Variants in MEOX2 observed in about 807,000 individuals in gnomAD.
MEOX2 encodes the protein mesenchyme homeobox 2, also known as homeobox protein MOX-2.
In MEOX2, 11 loss-of-function variants were observed where a neutral mutation model predicts 27.0. That is an observed-to-expected ratio of 0.41 (90% CI 0.26 to 0.68). The LOEUF is 0.68. Ranked by LOEUF, MEOX2 falls within the 30% of genes least tolerant of loss-of-function variation. The pLI is 0.33. For missense variants in MEOX2, 436 were observed against 385.4 expected, an observed-to-expected ratio of 1.13 and a Z score of -1.10; for synonymous variants, 189 against 155.4, an observed-to-expected ratio of 1.22 and a Z score of -1.61.
intron 1 of MEOX2, among the ~76,000 whole-genome samples, chr7:15,639,166 C>T (rs764461436): frequency 5.9e-5 from 9 of 152,024 alleles, no homozygotes; most frequent in Admixed American, 5.9e-4. Context: ...TAATAATAGC[C>T]ATTCTGACTG....
intron 1 of MEOX2, among the ~76,000 whole-genome samples, chr7:15,656,470 C>T (rs552654337): frequency 2.0e-5 from 3 of 150,128 alleles, no homozygotes; most frequent in South Asian, 4.2e-4. Context: ...CTTGGTTAAA[C>T]ATTTGTTTAG....
At chr7:15,641,850 A>T (rs544035654) in intron 1 of MEOX2, among the ~76,000 whole-genome samples, 1 of 152,120 alleles carries the variant, frequency 6.6e-6, no homozygotes, top group African/African-American at 2.4e-5. Context: ...TGAAAAAAAT[A>T]TTTTATTTCT....
intron 1 of MEOX2, chr7:15,675,908 T>A (rs1448434257): frequency 6.6e-6 from 1 of 152,202 alleles, no homozygotes; most frequent in Non-Finnish European, 1.5e-5. Context: ...TCTGTTCCTT[T>A]AAACTTCTCT....
intron 1 of MEOX2, among the ~76,000 whole-genome samples, chr7:15,675,513 C>G (rs1782178680): frequency 6.6e-6 from 1 of 152,132 alleles, no homozygotes; most frequent in African/African-American, 2.4e-5. Context: ...CGAGATTTTC[C>G]TTTTAAGGGC....
intron 2 of MEOX2, among the ~76,000 whole-genome samples, chr7:15,622,861 G>A (rs1781242216): frequency 6.6e-6 from 1 of 152,096 alleles, no homozygotes; most frequent in Non-Finnish European, 1.5e-5. Flanking sequence ...AACAGATCTA[G>A]CATTACTCAG....
intron 1 of MEOX2, among the ~76,000 whole-genome samples, chr7:15,662,647 T>A (rs549971638): frequency 3.4e-4 from 52 of 152,192 alleles, no homozygotes; most frequent in Non-Finnish European, 7.3e-4. Flanking sequence ...CATAGTGTTA[T>A]AAGCCAAATT....
intron 2 of MEOX2, among the ~76,000 whole-genome samples, chr7:15,621,919 C>G (rs865852638): frequency 5.9e-5 from 9 of 152,248 alleles, no homozygotes; most frequent in Admixed American, 1.3e-4. Flanking sequence ...GAGTTCAAGA[C>G]CAGCCTGGCC....
chr7:15,682,533 C>T lies in MEOX2; in HGVS notation c.517+3353G>A, dbSNP rs114069070. The stretch of plus-strand genomic sequence containing the variant: ...CCTAGTAAAGTCTACCTCCCCAAAT[C>T]GCTCTTTTCTTTTTTGATGTAATTT... On this transcript the variant is annotated intron_variant, in intron 1 of 2. Coordinates refer to ENST00000262041, the MANE Select transcript of MEOX2 (RefSeq NM_005924.5). Among the ~76,000 whole-genome samples, 386 of 151,956 alleles carry T rather than the reference C, an allele frequency of 2.5e-3. 3 individuals carry two copies. Among genetic ancestry groups the T allele is most frequent in the African/African-American group, 8.5e-3 (353 of 41,540 alleles).
intron 1 of MEOX2, among the ~76,000 whole-genome samples, chr7:15,673,771 C>T (rs1782148732): frequency 6.6e-6 from 1 of 152,170 alleles, no homozygotes; most frequent in Admixed American, 6.5e-5. Context: ...TAAGGCATAA[C>T]ATGTCACTGG....
chr7:15,634,480 C>T (rs1781451891), intron 1 of MEOX2, among the ~76,000 whole-genome samples: 1 of 151,900 alleles, frequency 6.6e-6, no homozygotes. Flanking sequence ...ACAAAGCATA[C>T]TTGTATTTTA....
At chr7:15,661,766 C>T (rs895358233) in intron 1 of MEOX2, among the ~76,000 whole-genome samples, 2 of 152,260 alleles carry the variant, frequency 1.3e-5, no homozygotes, top group East Asian at 1.9e-4. Context: ...GAGAAGCGAA[C>T]GTTCAAAACC....
chr7:15,644,180 A>G (rs1781606971), intron 1 of MEOX2, among the ~76,000 whole-genome samples: 1 of 152,070 alleles, frequency 6.6e-6, no homozygotes, highest in African/African-American at 2.4e-5. Context: ...ATGAGCACTC[A>G]GAGTCACATT....
At chr7:15,625,661 A>G (rs1333801860) in intron 2 of MEOX2, among the ~76,000 whole-genome samples, 1 of 152,138 alleles carries the variant, frequency 6.6e-6, no homozygotes, top group African/African-American at 2.4e-5. Flanking sequence ...TCTAGCCCTA[A>G]GAGTGCCAAT....
intron 2 of MEOX2, among the ~76,000 whole-genome samples, chr7:15,613,082 G>A (rs926402943): frequency 2.0e-5 from 3 of 152,242 alleles, no homozygotes; most frequent in African/African-American, 7.2e-5. Context: ...TCTGCCATCA[G>A]AAACTACTGC....
At chr7:15,653,456 T>G (rs1467178037) in intron 1 of MEOX2, among the ~76,000 whole-genome samples, 1 of 151,932 alleles carries the variant, frequency 6.6e-6, no homozygotes, top group Non-Finnish European at 1.5e-5. Flanking sequence ...ACAGGGTCTT[T>G]CACGGAGCAA....
intron 1 of MEOX2, among the ~76,000 whole-genome samples, chr7:15,657,964 A>T (rs997233983): frequency 1.3e-5 from 2 of 152,214 alleles, no homozygotes; most frequent in Non-Finnish European, 2.9e-5. Context: ...TTTACATCAA[A>T]AGTGGAGAAG....
At chr7:15,614,366 G>A (rs1781088196) in intron 2 of MEOX2, among the ~76,000 whole-genome samples, 1 of 151,818 alleles carries the variant, frequency 6.6e-6, no homozygotes, top group African/African-American at 2.4e-5. Flanking sequence ...GTCAGTGGTT[G>A]TTGCACCACT....
intron 1 of MEOX2, among the ~76,000 whole-genome samples, chr7:15,662,308 G>C (rs996481303): frequency 1.3e-5 from 2 of 151,934 alleles, no homozygotes; most frequent in African/African-American, 4.8e-5. Context: ...ATGTGTATTA[G>C]TTATAGGGGT....
At chr7:15,621,902 AG>A (rs1781228069) in intron 2 of MEOX2, among the ~76,000 whole-genome samples, 1 of 152,182 alleles carries the variant, frequency 6.6e-6, no homozygotes, top group African/African-American at 2.4e-5. Context: ...GTGGATCACG[AG>A]GTCAGGAGTT....
Sources: gnomAD v4.1 joint callset for allele counts (sites outside exome capture counted in the v4.1 genomes callset) on GRCh38, gnomAD v4.1.1 for gene constraint, MANE v1.5 for transcripts, NCBI Gene and HGNC (gene_info 2026-07-23, HGNC 2026-07-21) for gene names.